The following RORA variants were observed in gnomAD, a reference collection of about 807,000 sequenced individuals.
RORA encodes the protein RAR related orphan receptor A.
In RORA, 7 loss-of-function variants were observed where a neutral mutation model predicts 69.5. The ratio of observed to expected loss-of-function variants is 0.10; its 90% CI spans 0.06 to 0.19. RORA has a LOEUF of 0.19. RORA is among the 10% of genes least tolerant of loss of function. RORA has a pLI of 1.00. For synonymous variants in RORA, 261 were observed against 240.8 expected, an observed-to-expected ratio of 1.08 and a Z score of -0.78; for missense variants, 457 against 663.0, an observed-to-expected ratio of 0.69 and a Z score of 3.41.
chr15:60,660,728 CTG>C (rs1343904650), intron 2 of RORA, among the ~76,000 whole-genome samples: 3 of 150,024 alleles, frequency 2.0e-5, no homozygotes, highest in Non-Finnish European at 3.0e-5. Flanking sequence ...TAACACCAGT[CTG>C]TGTTTTGTAA....
At chr15:61,143,209 T>G (rs940913174) in intron 1 of RORA, among the ~76,000 whole-genome samples, 11 of 152,040 alleles carry the variant, frequency 7.2e-5, no homozygotes, top group African/African-American at 2.2e-4. Flanking sequence ...AGAAGAAAGG[T>G]ATCATTTTTA....
intron 2 of RORA, among the ~76,000 whole-genome samples, chr15:60,668,772 T>C (rs1158731400): frequency 1.3e-5 from 2 of 152,216 alleles, no homozygotes; most frequent in East Asian, 1.9e-4. Flanking sequence ...TACTGGAGAC[T>C]AAGAACACGC....
At chr15:60,626,266 T>C (rs1161829020) in intron 2 of RORA, among the ~76,000 whole-genome samples, 1 of 152,192 alleles carries the variant, frequency 6.6e-6, no homozygotes, top group East Asian at 1.9e-4. Context: ...AATTCCCCTC[T>C]TGGAACTGAC....
rs150009915 is a variant in RORA at position 60,716,760 on chromosome 15, T to C, written c.167-38074A>G. On this transcript the variant is annotated intron_variant, in intron 1 of 10. Coordinates refer to ENST00000335670, the MANE Select transcript of RORA (RefSeq NM_134261.3). Reference sequence around the variant, plus strand: ...ACTCTGAAGAGAGATAATGCTGATATCATGACGCTTCCATAAAAACCCAGG... The same window carrying C: ...ACTCTGAAGAGAGATAATGCTGATACCATGACGCTTCCATAAAAACCCAGG... Among the ~76,000 whole-genome samples, 50 of 152,200 alleles carry C rather than the reference T, an allele frequency of 3.3e-4. No individual in the cohort carries two copies. In the East Asian group the frequency reaches 9.3e-3, roughly 28 times the overall value.
intron 1 of RORA, among the ~76,000 whole-genome samples, chr15:60,970,046 GAA>G (rs772483541): frequency 2.9e-4 from 44 of 152,202 alleles, no homozygotes; most frequent in Non-Finnish European, 2.1e-4. Context: ...AGCGGGGAAA[GAA>G]GAGGTCCTGT....
chr15:61,191,917 G>A (rs991549495), intron 1 of RORA, among the ~76,000 whole-genome samples: 6 of 152,236 alleles, frequency 3.9e-5, no homozygotes, highest in Non-Finnish European at 7.3e-5. Context: ...TGCCATTCAA[G>A]CTTCGCTTCT....
At chr15:61,012,939 C>G (rs946478321) in intron 1 of RORA, among the ~76,000 whole-genome samples, 2 of 152,172 alleles carry the variant, frequency 1.3e-5, no homozygotes, top group African/African-American at 4.8e-5. Context: ...TGTGAGCCAC[C>G]GCGCTCCCAG....
intron 2 of RORA, among the ~76,000 whole-genome samples, chr15:60,626,175 CTGTT>C (rs1387596556): frequency 6.6e-6 from 1 of 152,186 alleles, no homozygotes; most frequent in Non-Finnish European, 1.5e-5. Flanking sequence ...AGCCTGGTGT[CTGTT>C]TGAGCTCAAC....
rs1022198373 is a variant in RORA, at chr15:61,074,133, C to T, written c.166+154920G>A. 2.6e-5 allele frequency among the ~76,000 whole-genome samples: 4 copies of T among 152,166 alleles called. No individual in the cohort carries two copies. The East Asian group carries it at 5.8e-4, about 22-fold the overall frequency. On this transcript the variant is annotated intron_variant, in intron 1 of 10. Transcript: ENST00000335670. ...TATCATGAAGAGCAAAAAAGCTCCT[C>T]CAGGCCCCCCACCATCATGCCAACA... is the stretch of plus-strand genomic sequence containing the variant.
chr15:60,556,717 A>G, intron 2 of RORA: 3 of 686,558 alleles, frequency 4.4e-6, no homozygotes, highest in Non-Finnish European at 7.7e-6. Context: ...TATGCCTGGA[A>G]GTTCACGGCT....
chr15:61,200,910 C>T (rs1049069367), intron 1 of RORA, among the ~76,000 whole-genome samples: 5 of 151,976 alleles, frequency 3.3e-5, no homozygotes, highest in Admixed American at 6.6e-5. Context: ...ATTAAATTGA[C>T]GGTCCCAGGG....
At chr15:60,757,833 C>A (rs1166506582) in intron 1 of RORA, among the ~76,000 whole-genome samples, 1 of 152,102 alleles carries the variant, frequency 6.6e-6, no homozygotes, top group Non-Finnish European at 1.5e-5. Context: ...TGCCTTTTAA[C>A]CTCTTCCCTC....
intron 1 of RORA, among the ~76,000 whole-genome samples, chr15:60,695,939 G>T (rs1339367149): frequency 4.6e-5 from 7 of 152,016 alleles, no homozygotes; most frequent in Admixed American, 1.3e-4. Context: ...ATGGCACAAA[G>T]CACTGTTCCC....
intron 2 of RORA, among the ~76,000 whole-genome samples, chr15:60,581,055 G>C (rs1009663087): frequency 3.3e-5 from 5 of 152,186 alleles, no homozygotes; most frequent in African/African-American, 1.2e-4. Flanking sequence ...TCTTCAGATG[G>C]CTGGTAACCA....
intron 1 of RORA, among the ~76,000 whole-genome samples, chr15:60,859,256 T>C (rs1229839902): frequency 6.6e-6 from 1 of 152,074 alleles, no homozygotes; most frequent in Non-Finnish European, 1.5e-5. Context: ...GATGATCCCC[T>C]AAGGACAATG....
At position 61,147,217 on chromosome 15, in the gene RORA, C is replaced by T. The variant is rs191449125; in HGVS notation, c.166+81836G>A. Among the ~76,000 whole-genome samples the T allele has an allele frequency of 7.2e-5, 11 of 152,256 alleles. No individual in the cohort carries two copies. In the East Asian group the frequency reaches 2.1e-3, roughly 29 times the overall value. Reference sequence around the variant, plus strand: ...AGTCATGCCTTGAACCACACAGCACCGTGGTCGTTTCCACCACCCAAGAGA... The same window carrying T: ...AGTCATGCCTTGAACCACACAGCACTGTGGTCGTTTCCACCACCCAAGAGA... On this transcript the variant is annotated intron_variant, in intron 1 of 10. Transcript: ENST00000335670. The surrounding 1 kb of genome is among the most constrained non-coding windows in gnomAD (Gnocchi z 4.1).
chr15:60,688,698 A>C (rs1377059176), intron 1 of RORA, among the ~76,000 whole-genome samples: 1 of 152,206 alleles, frequency 6.6e-6, no homozygotes, highest in Non-Finnish European at 1.5e-5. Flanking sequence ...AATCATAACC[A>C]ATATGCTGAT....
chr15:61,135,216 AACTACCTGGGAGGCTGAG>A (rs1420422513), intron 1 of RORA, among the ~76,000 whole-genome samples: 2 of 151,576 alleles, frequency 1.3e-5, no homozygotes, highest in Non-Finnish European at 2.9e-5. Flanking sequence ...CTGCAGTCCC[AACTACCTGGGAGGCTGAG>A]GCATGAGAAA....
chr15:61,123,545 G>C (rs1328776029), intron 1 of RORA, among the ~76,000 whole-genome samples: 2 of 152,114 alleles, frequency 1.3e-5, no homozygotes, highest in Non-Finnish European at 2.9e-5. Context: ...CTGCAAATTG[G>C]GAATGTTCTC....
Sources: gnomAD v4.1 joint callset for allele counts (sites outside exome capture counted in the v4.1 genomes callset) on GRCh38, gnomAD v4.1.1 for gene constraint, Gnocchi (gnomAD v3.1) non-coding constraint, MANE v1.5 for transcripts, NCBI Gene and HGNC (gene_info 2026-07-23, HGNC 2026-07-21) for gene names.